The following SCHIP1 variants were observed in gnomAD, a reference collection of about 807,000 sequenced individuals.
SCHIP1 encodes schwannomin interacting protein 1, also known as schwannomin-interacting protein 1.
In SCHIP1, 8 loss-of-function variants were observed where a neutral mutation model predicts 29.7. That is an observed-to-expected ratio of 0.27 (90% confidence interval 0.16 to 0.49). The LOEUF is 0.49. Ranked by LOEUF, SCHIP1 falls within the 20% of genes least tolerant of loss-of-function variation. The pLI is 0.99. For missense variants in SCHIP1, 193 were observed against 294.6 expected (o/e 0.66, Z 2.52); for synonymous variants, 76 against 94.9 (o/e 0.80, Z 1.16).
the SCHIP1 span, among the ~76,000 whole-genome samples, chr3:159,664,130 G>A: frequency 6.6e-6 from 1 of 152,148 alleles, no homozygotes; most frequent in East Asian, 1.9e-4. Context: ...AACTGACGAG[G>A]AAAACTTGCA....
the SCHIP1 span, among the ~76,000 whole-genome samples, chr3:159,674,997 G>A: frequency 7.0e-3 from 1,069 of 152,306 alleles, 21 homozygotes; most frequent in African/African-American, 0.024. Flanking sequence ...ATTGGACCAG[G>A]AAGGCTCAGA....
the SCHIP1 span, among the ~76,000 whole-genome samples, chr3:159,578,072 G>A: frequency 6.6e-6 from 1 of 152,138 alleles, no homozygotes; most frequent in Admixed American, 6.6e-5. Context: ...GTTTTGGGGG[G>A]GTGGAAGGGA....
the SCHIP1 span, chr3:159,764,519 C>T: frequency 1.3e-6 from 2 of 1,586,154 alleles, no homozygotes; most frequent in African/African-American, 2.7e-5. This position sits in a 1 kb window ranked among gnomAD's most constrained non-coding sequence, Gnocchi z 6.1. Flanking sequence ...AGTTCACAGT[C>T]CAACTCCACC....
the SCHIP1 span, among the ~76,000 whole-genome samples, chr3:159,377,378 T>G: frequency 6.6e-6 from 1 of 152,360 alleles, no homozygotes; most frequent in Admixed American, 6.5e-5. Flanking sequence ...TTGGGTTCTA[T>G]AGGTTTACTC....
the SCHIP1 span, among the ~76,000 whole-genome samples, chr3:159,533,241 G>T: frequency 1.3e-5 from 2 of 152,136 alleles, no homozygotes. Flanking sequence ...TGGGGTCAAG[G>T]CAAGGGGTTG....
the SCHIP1 span, among the ~76,000 whole-genome samples, chr3:159,280,440 G>A: frequency 6.6e-6 from 1 of 152,096 alleles, no homozygotes; most frequent in Non-Finnish European, 1.5e-5. Context: ...ATCTAGACCT[G>A]GGACCTATGT....
chr3:159,360,117 G>A, the SCHIP1 span, among the ~76,000 whole-genome samples: 2 of 152,138 alleles, frequency 1.3e-5, no homozygotes, highest in East Asian at 3.9e-4. Context: ...AGCCCTCCCT[G>A]GTTGTCTAAA....
At chr3:159,540,891 A>G in the SCHIP1 span, among the ~76,000 whole-genome samples, 11 of 152,082 alleles carry the variant, frequency 7.2e-5, no homozygotes, top group Admixed American at 6.6e-4. Flanking sequence ...TCTGGCACCT[A>G]TTACTGAGAG....
At chr3:159,334,827 T>C in the SCHIP1 span, among the ~76,000 whole-genome samples, 2 of 152,180 alleles carry the variant, frequency 1.3e-5, no homozygotes, top group Non-Finnish European at 2.9e-5. Flanking sequence ...TTCCAGCATT[T>C]AACTACAGAT....
the SCHIP1 span, among the ~76,000 whole-genome samples, chr3:159,510,583 C>T: frequency 3.5e-5 from 5 of 142,654 alleles, no homozygotes; most frequent in African/African-American, 1.0e-4. Flanking sequence ...TCTGTTTTTT[C>T]CCCATCTTTG....
chr3:159,774,424 T>C, the SCHIP1 span, among the ~76,000 whole-genome samples: 1 of 152,242 alleles, frequency 6.6e-6, no homozygotes, highest in Admixed American at 6.5e-5. Context: ...ATATATCTGT[T>C]AAATAATTAT....
At chr3:159,476,023 G>T in the SCHIP1 span, among the ~76,000 whole-genome samples, 691 of 152,298 alleles carry the variant, frequency 4.5e-3, 3 homozygotes, top group African/African-American at 0.015. Flanking sequence ...CCTCGAAGCT[G>T]CCACTTGGGC....
chr3:159,625,881 C>T, the SCHIP1 span, among the ~76,000 whole-genome samples: 1 of 151,926 alleles, frequency 6.6e-6, no homozygotes, highest in South Asian at 2.1e-4. Flanking sequence ...CTTCTCCCTA[C>T]ATGTAGAGGA....
At chr3:159,842,880 C>CCCCCATCCA (rs1245755748) in intron 1 of SCHIP1, among the ~76,000 whole-genome samples, 1 of 151,898 alleles carries the variant, frequency 6.6e-6, no homozygotes, top group Admixed American at 6.6e-5. Flanking sequence ...GTCGCCTCTA[C>CCCCCATCCA]CCCCATCCAT....
the SCHIP1 span, among the ~76,000 whole-genome samples, chr3:159,449,350 A>C: frequency 2.8e-4 from 43 of 152,292 alleles, 1 homozygote; most frequent in African/African-American, 1.0e-3. Flanking sequence ...AGAAGAGGGA[A>C]GGTCTCCTTG....
the SCHIP1 span, among the ~76,000 whole-genome samples, chr3:159,570,405 C>A: frequency 6.6e-6 from 1 of 152,166 alleles, no homozygotes; most frequent in Admixed American, 6.5e-5. Flanking sequence ...GTAGAGAATC[C>A]TTTCCCCATT....
At chr3:159,802,726 A>G in the SCHIP1 span, among the ~76,000 whole-genome samples, 1 of 152,188 alleles carries the variant, frequency 6.6e-6, no homozygotes, top group Non-Finnish European at 1.5e-5. Flanking sequence ...TAAACAGTGG[A>G]TATAGCAAAG....
At chr3:159,358,758 C>T in the SCHIP1 span, among the ~76,000 whole-genome samples, 4 of 152,168 alleles carry the variant, frequency 2.6e-5, no homozygotes, top group African/African-American at 9.6e-5. Flanking sequence ...ATTATATAAT[C>T]CGTGAAAAAT....
the SCHIP1 span, among the ~76,000 whole-genome samples, chr3:159,645,815 T>C: frequency 6.6e-6 from 1 of 152,004 alleles, no homozygotes; most frequent in Non-Finnish European, 1.5e-5. Context: ...AATCAAAGGG[T>C]GGTGTCCAGA....
Sources: gnomAD v4.1 joint callset for allele counts (sites outside exome capture counted in the v4.1 genomes callset) on GRCh38, gnomAD v4.1.1 for gene constraint, Gnocchi (gnomAD v3.1) non-coding constraint, MANE v1.5 for transcripts, NCBI Gene and HGNC (gene_info 2026-07-23, HGNC 2026-07-21) for gene names.